CNTNAP4: variants seen among roughly 807,000 people sequenced by gnomAD.
CNTNAP4 encodes contactin-associated protein-like 4.
CNTNAP4 carries 98 observed loss-of-function variants against 148.4 expected under a neutral mutation model. The observed-to-expected ratio is 0.66, with a 90% CI of 0.56 to 0.78. The LOEUF (loss-of-function observed/expected upper bound fraction) is 0.78, where lower values mean the gene tolerates loss of function less well. CNTNAP4 is among the 30% of genes least tolerant of loss of function. The pLI is 0.00. For synonymous variants in CNTNAP4, 730 were observed against 565.1 expected, an observed-to-expected ratio of 1.29 and a Z score of -4.14; for missense variants, 1,935 against 1,565.6, an observed-to-expected ratio of 1.24 and a Z score of -3.98.
chr16:76,521,105 T>A, intron 15 of CNTNAP4, 35 bp from the exon 16 acceptor site: 1 of 1,498,898 alleles, frequency 6.7e-7, no homozygotes, highest in Non-Finnish European at 8.8e-7. Flanking sequence ...GTTTTCTTTC[T>A]GAATTTTTTT....
intron 3 of CNTNAP4, among the ~76,000 whole-genome samples, chr16:76,402,807 A>C (rs912957275): frequency 3.3e-5 from 5 of 152,154 alleles, no homozygotes; most frequent in African/African-American, 1.2e-4. Context: ...TTTATGCAAA[A>C]ATCATTCAGG....
intron 4 of CNTNAP4, among the ~76,000 whole-genome samples, chr16:76,445,325 A>G (rs2080199744): frequency 1.3e-5 from 2 of 152,260 alleles, no homozygotes; most frequent in African/African-American, 4.8e-5. Flanking sequence ...TTAGTTGTTT[A>G]CTTGCTAAAT....
In CNTNAP4 at chr16:76,355,759, T is replaced by G. The variant is rs936541846; in HGVS notation, c.390+248T>G. On this transcript the variant is annotated intron_variant, in intron 3 of 23. Transcript: ENST00000611870. ...TGAAAAATAAACCCTATTAGTCCAT[T>G]AAATAGTGTGGGAGTCTAAGAAATA... is the stretch of plus-strand genomic sequence containing the variant. 2.0e-5 allele frequency among the ~76,000 whole-genome samples: 3 copies of G among 150,490 alleles called. No homozygotes were observed. In the South Asian group the frequency reaches 6.3e-4, roughly 32 times the overall value.
chr16:76,362,861 G>C (rs1346475115), intron 3 of CNTNAP4, among the ~76,000 whole-genome samples: 1 of 152,106 alleles, frequency 6.6e-6, no homozygotes, highest in Non-Finnish European at 1.5e-5. Flanking sequence ...CATACAATTT[G>C]CCTATATAAC....
At chr16:76,434,972 C>G (rs138162220) in intron 4 of CNTNAP4, among the ~76,000 whole-genome samples, 5 of 152,270 alleles carry the variant, frequency 3.3e-5, no homozygotes, top group Non-Finnish European at 5.9e-5. Context: ...AGCGTCAACT[C>G]AGAGACAGTG....
At chr16:76,411,881 A>G (rs1296304130) in intron 3 of CNTNAP4, among the ~76,000 whole-genome samples, 1 of 151,476 alleles carries the variant, frequency 6.6e-6, no homozygotes, top group Non-Finnish European at 1.5e-5. Flanking sequence ...TGGACTATCA[A>G]AAAGTGAAAA....
Position 76,553,510 on chromosome 16 carries a change from G to C in CNTNAP4, c.3661+9G>C, listed in dbSNP as rs760074240. 3 of 1,591,064 alleles carry C rather than the reference G, an allele frequency of 1.9e-6. No individual in the cohort carries two copies. The highest frequency in any genetic ancestry group is 2.6e-6 in the Non-Finnish European group (3 of 1,163,366). On this transcript the variant is annotated intron_variant, in intron 22 of 23. Transcript: ENST00000611870. The stretch of plus-strand genomic sequence containing the variant: ...GACACACTCGTTTGCAGGTGACTTA[G>C]AGTTCTTCCTCTACTCAGTCACAGA...
chr16:76,355,323 G>C lies in CNTNAP4; in HGVS notation c.202G>C (p.Gly68Arg). 1 of 1,531,328 alleles carries C rather than the reference G, an allele frequency of 6.5e-7. No homozygotes were observed. Among genetic ancestry groups the C allele is most frequent in the Non-Finnish European group, 8.8e-7 (1 of 1,139,024 alleles). 94.9% of individuals were successfully genotyped at this position (1,531,328 alleles called of 1,614,324 possible). The change falls in exon 3 of 24, where the codon GGT becomes CGT. Residue 68 changes from glycine (G) to arginine (R), a missense_variant. By Grantham distance (125) the Gly-to-Arg change is moderately radical (BLOSUM62 -2). Transcript: ENST00000611870. ...GTTTCTATTTTTAATAAAAGGAGCT[G>C]GTGGCTGGTCTCCACTTGTGTCTAA... is the stretch of plus-strand genomic sequence containing the variant. ...FARLNRRDGA[G>R]GWSPLVSNKY...
chr16:76,286,388 A>G (rs936763744), intron 1 of CNTNAP4, among the ~76,000 whole-genome samples: 8 of 152,118 alleles, frequency 5.3e-5, no homozygotes, highest in Non-Finnish European at 7.4e-5. Context: ...TTAAACCAGT[A>G]TGTGGGATTA....
intron 12 of CNTNAP4, among the ~76,000 whole-genome samples, chr16:76,485,360 G>A (rs2081992915): frequency 6.6e-6 from 1 of 151,602 alleles, no homozygotes; most frequent in Admixed American, 6.6e-5. Flanking sequence ...TAGGTGATCC[G>A]CCTGCCTCAG....
chr16:76,302,116 T>C (rs1336895599), intron 1 of CNTNAP4, among the ~76,000 whole-genome samples: 1 of 151,906 alleles, frequency 6.6e-6, no homozygotes, highest in African/African-American at 2.4e-5. Flanking sequence ...CACCTATAAG[T>C]AGCCAGGGAA....
intron 3 of CNTNAP4, among the ~76,000 whole-genome samples, chr16:76,382,009 T>C (rs1041422054): frequency 1.6e-4 from 21 of 128,956 alleles, no homozygotes; most frequent in African/African-American, 6.0e-4. Context: ...TGCAGTGAGC[T>C]GAGATCGCGC....
chr16:76,305,426 T>A (rs113039236), intron 1 of CNTNAP4, among the ~76,000 whole-genome samples: 2,874 of 152,292 alleles, frequency 0.019, 107 homozygotes, highest in African/African-American at 0.064. Context: ...ATTCCTTCCT[T>A]GTGCTTTCCT....
intron 4 of CNTNAP4, among the ~76,000 whole-genome samples, chr16:76,436,479 A>C (rs1173912510): frequency 2.3e-5 from 2 of 86,028 alleles, no homozygotes; most frequent in African/African-American, 1.7e-4. Context: ...GATTTTCCAC[A>C]ATTTCAGCTT....
chr16:76,318,853 G>A (rs984130705), intron 2 of CNTNAP4, among the ~76,000 whole-genome samples: 2 of 151,200 alleles, frequency 1.3e-5, no homozygotes, highest in Non-Finnish European at 2.9e-5. Context: ...AGTCAGGCTA[G>A]GAAAAAGTGT....
At chr16:76,322,819 C>G (rs1183863607) in intron 2 of CNTNAP4, among the ~76,000 whole-genome samples, 1 of 150,750 alleles carries the variant, frequency 6.6e-6, no homozygotes, top group East Asian at 1.9e-4. Context: ...CAATTTATTC[C>G]TTTTTATTTT....
intron 2 of CNTNAP4, among the ~76,000 whole-genome samples, chr16:76,336,109 G>A (rs1196495399): frequency 6.6e-6 from 1 of 152,044 alleles, no homozygotes; most frequent in Non-Finnish European, 1.5e-5. Context: ...TGAGTAATCT[G>A]TGAACTGGAC....
chr16:76,440,078 TAAAC>T (rs1051629008), intron 4 of CNTNAP4, among the ~76,000 whole-genome samples: 1 of 152,146 alleles, frequency 6.6e-6, no homozygotes, highest in Admixed American at 6.6e-5. Flanking sequence ...TTCAAATAAA[TAAAC>T]AGTATGATCA....
intron 13 of CNTNAP4, among the ~76,000 whole-genome samples, chr16:76,493,676 A>T (rs1373192189): frequency 2.0e-5 from 3 of 152,204 alleles, no homozygotes; most frequent in African/African-American, 7.2e-5. Context: ...TTTATTAAGT[A>T]TTTCAAGCAA....
Sources: allele counts gnomAD v4.1 joint callset (sites outside exome capture counted in the v4.1 genomes callset), GRCh38; gene constraint gnomAD v4.1.1; transcripts MANE v1.5; gene names NCBI Gene and HGNC (gene_info 2026-07-23, HGNC 2026-07-21).